RRBP1: variants seen among roughly 807,000 people sequenced by gnomAD.
RRBP1 encodes the protein ribosome-binding protein 1.
In RRBP1, 94 loss-of-function variants were observed where a neutral mutation model predicts 165.2. The observed-to-expected ratio is 0.57, with a 90% CI of 0.48 to 0.68. The LOEUF (loss-of-function observed/expected upper bound fraction) is 0.68, where lower values mean the gene tolerates loss of function less well. Ranked by LOEUF, RRBP1 falls within the 30% of genes least tolerant of loss-of-function variation. The pLI, the probability that RRBP1 is intolerant of heterozygous loss-of-function variation, is 0.00. For missense variants in RRBP1, 1,676 were observed against 1,763.0 expected (o/e 0.95, Z 0.88); for synonymous variants, 680 against 714.5 (o/e 0.95, Z 0.77).
chr20:17,675,077 G>C (rs954399225), intron 2 of RRBP1, among the ~76,000 whole-genome samples: 3 of 152,254 alleles, frequency 2.0e-5, no homozygotes, highest in Non-Finnish European at 4.4e-5. Context: ...AACCAGGCTG[G>C]AGACTGAGGG....
Position 17,643,143 on chromosome 20 carries a change from G to C in RRBP1, c.1913-16C>G. ...TCTGGGGGCCCTGTGCAGCAAGAGG[G>C]AAAGAGCTGAGACTTAGGCCCATAA... On this transcript the variant is annotated splice_polypyrimidine_tract_variant and intron_variant, in intron 3 of 24. Coordinates refer to ENST00000377813, the MANE Select transcript of RRBP1 (RefSeq NM_001365613.2). The surrounding 1 kb of genome is among the most constrained non-coding windows in gnomAD (Gnocchi z 4.3). 6.2e-7 allele frequency: 1 copy of C among 1,612,428 alleles called. No homozygotes were observed.
At chr20:17,662,158 G>A (rs889845354) in intron 2 of RRBP1, among the ~76,000 whole-genome samples, 2 of 152,018 alleles carry the variant, frequency 1.3e-5, no homozygotes, top group Non-Finnish European at 2.9e-5. Flanking sequence ...GGCTACTCGG[G>A]AGGCTGAGGC....
At chr20:17,636,487 C>CCTCA in intron 6 of RRBP1, 90 bp downstream of exon 6, 14 of 1,482,718 alleles carry the variant, frequency 9.4e-6, no homozygotes, top group Non-Finnish European at 1.3e-5. Context: ...CCTCCTCATG[C>CCTCA]CTCACCCTTT....
chr20:17,631,792 C>T (rs1453915870), intron 8 of RRBP1, among the ~76,000 whole-genome samples: 1 of 152,268 alleles, frequency 6.6e-6, no homozygotes, highest in Non-Finnish European at 1.5e-5. Context: ...GCCACCCCCG[C>T]CCTCATTCCT....
intron 24 of RRBP1, 138 bp from the exon 25 acceptor site, chr20:17,614,358 A>C: frequency 2.5e-6 from 2 of 793,468 alleles, no homozygotes; most frequent in Non-Finnish European, 4.1e-6. Context: ...AACAGGAGCC[A>C]CAGACCCCTG....
chr20:17,620,858 C>T, intron 16 of RRBP1, 51 bp from the exon 17 acceptor site: 8 of 1,344,470 alleles, frequency 6.0e-6, no homozygotes, highest in Non-Finnish European at 8.3e-6. Flanking sequence ...GAGACCCGCA[C>T]CACACAACCG....
chr20:17,651,491 C>T (rs1386067264), intron 3 of RRBP1, among the ~76,000 whole-genome samples: 2 of 152,158 alleles, frequency 1.3e-5, no homozygotes, highest in African/African-American at 4.8e-5. Context: ...AAATAAATTA[C>T]AATACAGTCA....
At position 17,620,741 on chromosome 20, in the gene RRBP1, C is replaced by T; in HGVS notation, c.3481G>A (p.Gly1161Ser). The change falls in exon 17 of 25, where the codon GGC becomes AGC. Residue 1161 changes from glycine to serine, a missense_variant. Coordinates refer to ENST00000377813, the MANE Select transcript of RRBP1 (RefSeq NM_001365613.2). Reference sequence around the variant, plus strand: ...TTCTGGAGCTCCTCCTCTGCGGCGCCCACCTTGGCCCTCCACACCTGCTCC... The same window carrying T: ...TTCTGGAGCTCCTCCTCTGCGGCGCTCACCTTGGCCCTCCACACCTGCTCC... ...EEEQVWRAKVGAAEEELQKSR... is the reference protein window; with the variant it reads ...EEEQVWRAKVSAAEEELQKSR... The T allele has an allele frequency of 6.2e-7, 1 of 1,607,726 alleles. No homozygotes were observed. The highest frequency in any genetic ancestry group is 8.5e-7 in the Non-Finnish European group (1 of 1,179,894).
At chr20:17,673,017 G>A (rs2037007720) in intron 2 of RRBP1, among the ~76,000 whole-genome samples, 1 of 152,210 alleles carries the variant, frequency 6.6e-6, no homozygotes, top group Non-Finnish European at 1.5e-5. Context: ...GGTTGGGGAG[G>A]TCAGGAATAA....
chr20:17,614,568 G>T (rs577949507), intron 24 of RRBP1, among the ~76,000 whole-genome samples, 169 bp downstream of exon 24: 5 of 152,090 alleles, frequency 3.3e-5, no homozygotes, highest in Non-Finnish European at 7.4e-5. Context: ...CCCTCGTTAG[G>T]AAGTCTCTGT....
intron 8 of RRBP1, among the ~76,000 whole-genome samples, chr20:17,630,177 C>T (rs2036121186): frequency 1.3e-5 from 2 of 152,320 alleles, no homozygotes; most frequent in South Asian, 4.1e-4. Context: ...TGCCAGGGAC[C>T]CACACTCACT....
At chr20:17,669,234 G>A (rs1398331886) in intron 2 of RRBP1, among the ~76,000 whole-genome samples, 1 of 152,166 alleles carries the variant, frequency 6.6e-6, no homozygotes, top group East Asian at 1.9e-4. Context: ...CTATGCCTGA[G>A]GGGGGTAAAA....
At chr20:17,663,226 C>T (rs1454474238) in intron 2 of RRBP1, among the ~76,000 whole-genome samples, 2 of 152,182 alleles carry the variant, frequency 1.3e-5, no homozygotes, top group African/African-American at 4.8e-5. Flanking sequence ...TGTTCACAGC[C>T]GAGGACTGTG....
At position 17,619,659 on chromosome 20, in the gene RRBP1, G is replaced by C. The variant is rs1568752755; in HGVS notation, c.3649C>G (p.Gln1217Glu). ...CCTGCCACCTCCTTGGCGTAGTTCT[G>C]GCACTCGGCGCTGGCGGCCGCCATG... ...KHMAAASAEC[Q>E]NYAKEVAGLR... The change falls in exon 19 of 25, where the codon CAG becomes GAG. Residue 1217 changes from glutamine (Q) to glutamate (E), a missense_variant. Transcript: ENST00000377813. 4 of 1,612,672 alleles carry C rather than the reference G, an allele frequency of 2.5e-6. No individual in the cohort carries two copies. Among genetic ancestry groups the C allele is most frequent in the Non-Finnish European group, 8.5e-7 (1 of 1,179,686 alleles).
Position 17,629,934 on chromosome 20 carries a change from G to A in RRBP1, c.2638C>T (p.Leu880=), listed in dbSNP as rs770362872. 4 of 1,599,094 alleles carry A rather than the reference G, an allele frequency of 2.5e-6. No individual in the cohort carries two copies. Among genetic ancestry groups the A allele is most frequent in the Non-Finnish European group, 2.5e-6 (3 of 1,178,778 alleles). The change falls in exon 9 of 25, where the codon CTG becomes TTG. Residue 880 remains leucine, a synonymous_variant. Transcript: ENST00000377813. ...QASHRESEEA[L]QKRLDEVSRE... is the part of the protein sequence containing the mutation. Reference sequence around the variant, plus strand: ...CTGACCTCGTCCAGGCGCTTCTGCAGGGCCTCCTCACTCTCCCTGTGGGAC... The same window carrying A: ...CTGACCTCGTCCAGGCGCTTCTGCAAGGCCTCCTCACTCTCCCTGTGGGAC...
chr20:17,652,977 G>A (rs117966325), intron 3 of RRBP1, among the ~76,000 whole-genome samples: 3 of 152,050 alleles, frequency 2.0e-5, no homozygotes, highest in Non-Finnish European at 2.9e-5. Context: ...TCATACCCTC[G>A]GGCACCACAG....
chr20:17,679,640 AG>A (rs1290303902), intron 2 of RRBP1, among the ~76,000 whole-genome samples: 1 of 152,212 alleles, frequency 6.6e-6, no homozygotes, highest in Non-Finnish European at 1.5e-5. Flanking sequence ...ATTTAAACTG[AG>A]TTTGCTGCTA....
chr20:17,614,353 G>C (rs939912435), intron 24 of RRBP1, 133 bp from the exon 25 acceptor site: 1 of 826,430 alleles, frequency 1.2e-6, no homozygotes, highest in Non-Finnish European at 2.0e-6. Context: ...CAGAGAACAG[G>C]AGCCACAGAC....
intron 13 of RRBP1, among the ~76,000 whole-genome samples, chr20:17,623,768 C>A (rs1049908610): frequency 3.3e-4 from 50 of 152,020 alleles, no homozygotes; most frequent in Non-Finnish European, 3.5e-4. Flanking sequence ...CCCATCTGTA[C>A]AAAACATGCA....
Sources: allele counts gnomAD v4.1 joint callset (sites outside exome capture counted in the v4.1 genomes callset), GRCh38; gene constraint gnomAD v4.1.1; non-coding constraint Gnocchi (gnomAD v3.1); transcripts MANE v1.5; gene names NCBI Gene and HGNC (gene_info 2026-07-23, HGNC 2026-07-21).